DGKD: variants seen among roughly 807,000 people sequenced by gnomAD.
DGKD encodes DAG kinase delta.
A neutral mutation model predicts 154.4 loss-of-function variants in DGKD; 68 were observed. The ratio of observed to expected loss-of-function variants is 0.44; its 90% confidence interval spans 0.36 to 0.54. The LOEUF (loss-of-function observed/expected upper bound fraction) is 0.54, where lower values mean the gene tolerates loss of function less well. DGKD is among the 20% of genes least tolerant of loss of function. DGKD has a pLI of 0.00. For synonymous variants in DGKD, 693 were observed against 638.0 expected (o/e 1.09, Z -1.30); for missense variants, 1,343 against 1,593.6 (o/e 0.84, Z 2.68).
Position 233,456,995 on chromosome 2 carries a change from G to A in DGKD, c.2472G>A (p.Glu824=). ...YKNLEQKVLL[E]CDGRPIPLPS... ...ACCTGGAGCAAAAGGTCTTGCTGGA[G>A]GTGAGTGGGAGGGTCCTTGTCACCT... Residue 824 remains glutamate (E), a splice_region_variant and synonymous_variant, in exon 20 of 30, where the codon GAG becomes GAA. Coordinates refer to ENST00000264057, the MANE Select transcript of DGKD (RefSeq NM_152879.3). The A allele has an allele frequency of 1.9e-6, 3 of 1,613,598 alleles. No homozygotes were observed. Among genetic ancestry groups the A allele is most frequent in the Non-Finnish European group, 2.5e-6 (3 of 1,179,504 alleles).
In DGKD at chr2:233,454,750, C is replaced by T. The variant is rs2063401125; in HGVS notation, c.2265-13C>T. On this transcript the variant is annotated splice_polypyrimidine_tract_variant and intron_variant, in intron 18 of 29. Transcript: ENST00000264057. Reference sequence around the variant, plus strand: ...CAGGGCTGTTGTAATTGATTTAAAACTCACCTTTGCAGAGAGTATTACACG... The same window carrying T: ...CAGGGCTGTTGTAATTGATTTAAAATTCACCTTTGCAGAGAGTATTACACG... 3 of 1,543,650 alleles carry T rather than the reference C, an allele frequency of 1.9e-6. No individual in the cohort carries two copies. Among genetic ancestry groups the T allele is most frequent in the Non-Finnish European group, 2.7e-6 (3 of 1,116,656 alleles).
chr2:233,449,070 C>G lies in DGKD; in HGVS notation c.1615-33C>G. ...GCCTGCAGACCCTGTTCTCCTGCCT[C>G]AGCTCTGCATGCCATTTCCTTTCCT... On this transcript the variant is annotated intron_variant, in intron 14 of 29. Coordinates refer to ENST00000264057, the MANE Select transcript of DGKD (RefSeq NM_152879.3). The surrounding 1 kb of genome is among the most constrained non-coding windows in gnomAD (Gnocchi z 5.3). 2 of 1,560,054 alleles carry G rather than the reference C, an allele frequency of 1.3e-6. No individual in the cohort carries two copies. Among genetic ancestry groups the G allele is most frequent in the Non-Finnish European group, 1.7e-6 (2 of 1,146,306 alleles).
chr2:233,432,522 G>A (rs1248387453), intron 3 of DGKD, among the ~76,000 whole-genome samples: 3 of 152,216 alleles, frequency 2.0e-5, no homozygotes, highest in African/African-American at 7.2e-5. Flanking sequence ...AGCTGGGTGT[G>A]GTGGCGGGCG....
At chr2:233,432,516 G>A (rs1010058038) in intron 3 of DGKD, among the ~76,000 whole-genome samples, 34 of 152,160 alleles carry the variant, frequency 2.2e-4, no homozygotes, top group African/African-American at 7.2e-4. Flanking sequence ...AAAATTAGCT[G>A]GGTGTGGTGG....
At chr2:233,367,922 C>T (rs1341467565) in intron 1 of DGKD, among the ~76,000 whole-genome samples, 1 of 147,028 alleles carries the variant, frequency 6.8e-6, no homozygotes, top group Non-Finnish European at 1.5e-5. Context: ...GAACTCCTGA[C>T]CTAAAGTGAT....
At chr2:233,415,693 G>A (rs1178065354) in intron 3 of DGKD, among the ~76,000 whole-genome samples, 1 of 152,228 alleles carries the variant, frequency 6.6e-6, no homozygotes, top group African/African-American at 2.4e-5. Flanking sequence ...GCGTGATCAA[G>A]GTTCATTGCA....
rs900316091 is a variant in DGKD at position 233,388,061 on chromosome 2, G to A, written c.157-196G>A. The A allele has an allele frequency of 1.0e-5, 13 of 1,269,520 alleles. No homozygotes were observed. In the African/African-American group the frequency reaches 1.4e-4, roughly 13 times the overall value. 78.6% of individuals were successfully genotyped at this position (1,269,520 alleles called of 1,614,324 possible). ...CACAGGCACACATTGCCCCTTAGAG[G>A]ACAGGATTGGTGCAACCCCCCATGC... On this transcript the variant is annotated intron_variant, in intron 1 of 29. Transcript: ENST00000264057.
chr2:233,388,085 G>A (rs1388688665), intron 1 of DGKD, 172 bp from the exon 2 acceptor site: 4 of 1,416,776 alleles, frequency 2.8e-6, no homozygotes, highest in Non-Finnish European at 3.7e-6. Context: ...AACCCCCCAT[G>A]CCCCCGGCAG....
At position 233,445,866 on chromosome 2, in the gene DGKD, G is replaced by A; in HGVS notation, c.1334+104G>A. 7.5e-7 allele frequency: 1 copy of A among 1,340,328 alleles called. No homozygotes were observed. Among genetic ancestry groups the A allele is most frequent in the Non-Finnish European group, 9.9e-7 (1 of 1,005,994 alleles). 83.0% of individuals were successfully genotyped at this position (1,340,328 alleles called of 1,614,324 possible). ...GGTCTGTGGAAAACATGGGCCCTCTGAAATTATTTGTAAAGATTTGACCTG... is the reference window on the plus strand; with the variant it reads ...GGTCTGTGGAAAACATGGGCCCTCTAAAATTATTTGTAAAGATTTGACCTG... On this transcript the variant is annotated intron_variant, in intron 11 of 29. Coordinates refer to ENST00000264057, the MANE Select transcript of DGKD (RefSeq NM_152879.3). The surrounding 1 kb of genome is among the most constrained non-coding windows in gnomAD (Gnocchi z 5.5).
intron 19 of DGKD, among the ~76,000 whole-genome samples, chr2:233,456,182 T>C (rs2063454551): frequency 6.6e-6 from 1 of 152,160 alleles, no homozygotes; most frequent in Non-Finnish European, 1.5e-5. Flanking sequence ...TTGGAAATGT[T>C]GGTTGACGTA....
chr2:233,469,774 A>T lies in DGKD; in HGVS notation c.*314A>T, dbSNP rs541768521. On this transcript the variant is annotated 3_prime_UTR_variant, in exon 30 of 30. Coordinates refer to ENST00000264057, the MANE Select transcript of DGKD (RefSeq NM_152879.3). ...GCCTGTGCTGTGGGCCAGGGAATCC[A>T]GCGGCGTCTGGCCTCCTGGGCACTG... 3.1e-6 allele frequency: 1 copy of T among 318,574 alleles called. No individual in the cohort carries two copies. The allele number at this position is 318,574 out of a possible 1,614,324, so 19.7% of individuals were successfully genotyped here.
At chr2:233,362,812 C>A (rs1701845631) in intron 1 of DGKD, among the ~76,000 whole-genome samples, 1 of 152,160 alleles carries the variant, frequency 6.6e-6, no homozygotes, top group African/African-American at 2.4e-5. Flanking sequence ...GGATGATGAT[C>A]CACATGGACA....
At chr2:233,396,960 G>A (rs1704096384) in intron 3 of DGKD, among the ~76,000 whole-genome samples, 1 of 138,890 alleles carries the variant, frequency 7.2e-6, no homozygotes, top group African/African-American at 2.7e-5. Flanking sequence ...CACCAGAGGG[G>A]ACCAGGGTGG....
intron 3 of DGKD, among the ~76,000 whole-genome samples, chr2:233,429,816 G>A (rs1054685407): frequency 1.3e-5 from 2 of 152,154 alleles, no homozygotes; most frequent in Non-Finnish European, 2.9e-5. Flanking sequence ...TGCTTCCCAC[G>A]CCCAGCCCGG....
intron 24 of DGKD, among the ~76,000 whole-genome samples, chr2:233,461,528 C>T (rs1315892032): frequency 6.6e-6 from 1 of 152,190 alleles, no homozygotes; most frequent in African/African-American, 2.4e-5. Flanking sequence ...CCACTGCGGC[C>T]CCTGTCCTCG....
intron 1 of DGKD, among the ~76,000 whole-genome samples, chr2:233,369,276 A>T (rs911406191): frequency 3.3e-5 from 5 of 152,160 alleles, no homozygotes; most frequent in Non-Finnish European, 7.4e-5. Flanking sequence ...TTTTGCCACC[A>T]GTGACATTTT....
At chr2:233,419,225 C>G in intron 3 of DGKD, 1 of 985,724 alleles carries the variant, frequency 1.0e-6, no homozygotes, top group African/African-American at 1.7e-5. Flanking sequence ...CTGCCCCCAG[C>G]ACCGTCCCTT....
chr2:233,468,062 C>T (rs749669370), intron 28 of DGKD, among the ~76,000 whole-genome samples: 29 of 152,044 alleles, frequency 1.9e-4, no homozygotes, highest in South Asian at 4.1e-4. Flanking sequence ...CAGAGGCTGG[C>T]GGCCCACCTG....
chr2:233,426,415 G>A (rs1265729286), intron 3 of DGKD, among the ~76,000 whole-genome samples: 1 of 152,140 alleles, frequency 6.6e-6, no homozygotes, highest in African/African-American at 2.4e-5. Context: ...CTTGATGCAT[G>A]TTCCCGACCA....
Sources: allele counts gnomAD v4.1 joint callset (sites outside exome capture counted in the v4.1 genomes callset), GRCh38; gene constraint gnomAD v4.1.1; non-coding constraint Gnocchi (gnomAD v3.1); transcripts MANE v1.5; gene names NCBI Gene and HGNC (gene_info 2026-07-23, HGNC 2026-07-21).